The following RIMBP2 variants were observed in gnomAD, a reference collection of about 807,000 sequenced individuals.
The protein encoded by RIMBP2 is RIMS-binding protein 2.
Under a neutral mutation model 118.6 loss-of-function variants are expected in RIMBP2, and 48 were observed. The observed-to-expected ratio is 0.40, with a 90% confidence interval of 0.32 to 0.51. RIMBP2 has a LOEUF of 0.51. Among genes scored for constraint, RIMBP2 ranks in the 20% least tolerant of loss-of-function variants. RIMBP2 has a pLI of 0.41. For missense variants in RIMBP2, 1,551 were observed against 1,768.3 expected (o/e 0.88, Z 2.20); for synonymous variants, 762 against 742.9 (o/e 1.03, Z -0.42).
Position 130,424,829 on chromosome 12 carries a change from G to A in RIMBP2, c.2442C>T (p.Gly814=). 5 of 1,232,682 alleles carry A rather than the reference G, an allele frequency of 4.1e-6. No homozygotes were observed. The highest frequency in any genetic ancestry group is 5.1e-6 in the Non-Finnish European group (5 of 988,410). 76.4% of individuals were successfully genotyped at this position (1,232,682 alleles called of 1,614,324 possible). Reference sequence around the variant, plus strand: ...GAAACTCGGGCTGCTCCCAGAAAGTGCCTTCCGAGGTCCTATGGTCAGTGC... The same window carrying A: ...GAAACTCGGGCTGCTCCCAGAAAGTACCTTCCGAGGTCCTATGGTCAGTGC... ...KDCTDHRTSE[G]TFWEQPEFPH... is the part of the protein sequence containing the mutation. The change falls in exon 16 of 23, where the codon GGC becomes GGT. Residue 814 remains glycine (G), a synonymous_variant. Transcript: ENST00000690449. This position sits in a 1 kb window ranked among gnomAD's most constrained non-coding sequence, Gnocchi z 9.8.
chr12:130,692,387 G>C (rs2065350159), intron 1 of RIMBP2, among the ~76,000 whole-genome samples: 2 of 152,022 alleles, frequency 1.3e-5, no homozygotes, highest in Non-Finnish European at 2.9e-5. Context: ...TAATTGCCTG[G>C]TTTGAGCAAC....
chr12:130,692,884 G>GATA (rs1324535918), intron 1 of RIMBP2, among the ~76,000 whole-genome samples: 21 of 147,340 alleles, frequency 1.4e-4, no homozygotes, highest in East Asian at 5.8e-4. Flanking sequence ...GGTAGGGTAG[G>GATA]GTAGGGTAGG....
intron 2 of RIMBP2, among the ~76,000 whole-genome samples, chr12:130,594,296 G>A (rs959239457): frequency 1.4e-4 from 21 of 152,202 alleles, no homozygotes; most frequent in Admixed American, 6.5e-5. Context: ...CCAGAGAACT[G>A]TCCTTCAAAA....
intron 2 of RIMBP2, among the ~76,000 whole-genome samples, chr12:130,593,432 A>G (rs982655753): frequency 6.6e-5 from 10 of 152,240 alleles, no homozygotes; most frequent in South Asian, 6.2e-4. Flanking sequence ...TGAGAGACCA[A>G]TCTTGTTAGC....
rs59408719 is a variant in RIMBP2, at chr12:130,460,303, G to A, written c.154-3603C>T. Among the ~76,000 whole-genome samples the A allele has an allele frequency of 6.2e-3, 943 of 152,290 alleles. 15 individuals carry two copies. Among genetic ancestry groups the A allele is most frequent in the African/African-American group, 0.022 (906 of 41,560 alleles). On this transcript the variant is annotated intron_variant, in intron 6 of 22. Transcript: ENST00000690449. Reference sequence around the variant, plus strand: ...GGCCCCTCGGTAGGCTGGAAGTGCCGTCAGCAGCAGCAAAGCGGCGCTCGC... The same window carrying A: ...GGCCCCTCGGTAGGCTGGAAGTGCCATCAGCAGCAGCAAAGCGGCGCTCGC...
intron 11 of RIMBP2, among the ~76,000 whole-genome samples, chr12:130,439,150 TATGTGTGTGTAA>T (rs2137083554): frequency 6.6e-6 from 1 of 151,948 alleles, no homozygotes; most frequent in East Asian, 1.9e-4. Flanking sequence ...TATATGTGTG[TATGTGTGTGTAA>T]ATGTGTATGT....
intron 3 of RIMBP2, among the ~76,000 whole-genome samples, chr12:130,509,468 T>C (rs942575715): frequency 1.3e-5 from 2 of 152,252 alleles, no homozygotes; most frequent in African/African-American, 4.8e-5. Context: ...GGCTTCATTC[T>C]GTGTGCCTCT....
At chr12:130,503,382 T>TA in intron 4 of RIMBP2, among the ~76,000 whole-genome samples, 1 of 149,066 alleles carries the variant, frequency 6.7e-6, no homozygotes, top group Non-Finnish European at 1.5e-5. Flanking sequence ...GGTGACAGAG[T>TA]AAGACTCCAT....
At chr12:130,427,266 G>A (rs1201652518) in intron 15 of RIMBP2, 1 of 152,224 alleles carries the variant, frequency 6.6e-6, no homozygotes, top group Non-Finnish European at 1.5e-5. Context: ...TCCTCTCCAA[G>A]GCCTTTTTCA....
In RIMBP2 at chr12:130,617,535, C is replaced by A. The variant is rs1312486524; in HGVS notation, c.-217+10787G>T. ...ACAAGCAGGTTTCAGCTGACACCAG[C>A]TTTAGATACTGCTAGAAGCTGCTTA... is the stretch of plus-strand genomic sequence containing the variant. On this transcript the variant is annotated intron_variant, in intron 2 of 22. Coordinates refer to ENST00000690449, the MANE Select transcript of RIMBP2 (RefSeq NM_001393629.1). This position sits in a 1 kb window ranked among gnomAD's most constrained non-coding sequence, Gnocchi z 4.6. Among the ~76,000 whole-genome samples the A allele has an allele frequency of 6.6e-6, 1 of 152,262 alleles. No individual in the cohort carries two copies. The highest frequency in any genetic ancestry group is 1.5e-5 in the Non-Finnish European group (1 of 68,046).
chr12:130,483,932 C>T (rs557506616), intron 4 of RIMBP2, among the ~76,000 whole-genome samples: 41 of 152,112 alleles, frequency 2.7e-4, no homozygotes, highest in African/African-American at 8.9e-4. Flanking sequence ...CCCCTGTCCC[C>T]GCCTAGATGT....
At position 130,434,831 on chromosome 12, in the gene RIMBP2, G is replaced by A; in HGVS notation, c.2156C>T (p.Ala719Val). 6.2e-7 allele frequency: 1 copy of A among 1,613,766 alleles called. No homozygotes were observed. The highest frequency in any genetic ancestry group is 8.5e-7 in the Non-Finnish European group (1 of 1,179,962). Residue 719 changes from alanine to valine, a missense_variant, in exon 14 of 23, where the codon GCC becomes GTC. By Grantham distance (64) the Ala-to-Val change is moderately conservative (BLOSUM62 0). This residue lies in a region of RIMBP2 where 1,038 missense variants were observed against 1,125.1 expected (regional missense o/e 0.92). Transcript: ENST00000690449. This position sits in a 1 kb window ranked among gnomAD's most constrained non-coding sequence, Gnocchi z 5.7. ...ATAGGCGTCCTCCTCGTCTGAGGCG[G>A]CGTACTGCCCCGCGCTGCTTCTCTC... ...FLERSSAGQY[A>V]ASDEEDAYDS...
At chr12:130,403,442 ATCT>A (rs972461891) in intron 21 of RIMBP2, among the ~76,000 whole-genome samples, 2 of 152,240 alleles carry the variant, frequency 1.3e-5, no homozygotes, top group Non-Finnish European at 2.9e-5. Flanking sequence ...AATTAGAAAA[ATCT>A]TCTTAAATTC....
chr12:130,509,932 C>T (rs962025121), intron 3 of RIMBP2, among the ~76,000 whole-genome samples: 3 of 152,198 alleles, frequency 2.0e-5, no homozygotes, highest in Admixed American at 6.5e-5. Context: ...GGGGAGGAAT[C>T]GATTCAGATT....
intron 1 of RIMBP2, among the ~76,000 whole-genome samples, chr12:130,650,231 G>GT (rs1188576703): frequency 6.6e-6 from 1 of 152,054 alleles, no homozygotes; most frequent in Non-Finnish European, 1.5e-5. Context: ...GTGCAGCGTG[G>GT]TCCCTGGGTG....
chr12:130,632,138 C>T lies in RIMBP2; in HGVS notation c.-351-3682G>A, dbSNP rs751247452. 2.0e-5 allele frequency among the ~76,000 whole-genome samples: 3 copies of T among 152,206 alleles called. No individual in the cohort carries two copies. The East Asian group carries it at 5.8e-4, about 29-fold the overall frequency. On this transcript the variant is annotated intron_variant, in intron 1 of 22. Coordinates refer to ENST00000690449, the MANE Select transcript of RIMBP2 (RefSeq NM_001393629.1). ...CGATTTCAGCAAAAAATAAAAGAGA[C>T]GTTTCTAACCAGATCAGATGGGCTG...
At position 130,456,724 on chromosome 12, in the gene RIMBP2, G is replaced by T. The variant is rs781725615; in HGVS notation, c.154-24C>A. Reference sequence around the variant, plus strand: ...GACTGCACGGCAGAAGCAGGACAGGGGGTCAGCGGTGGCATTTGGTGGTGG... The same window carrying T: ...GACTGCACGGCAGAAGCAGGACAGGTGGTCAGCGGTGGCATTTGGTGGTGG... On this transcript the variant is annotated intron_variant, in intron 6 of 22. Transcript: ENST00000690449. 10 of 1,573,356 alleles carry T rather than the reference G, an allele frequency of 6.4e-6. No individual in the cohort carries two copies. In the East Asian group the frequency reaches 1.8e-4, roughly 29 times the overall value.
At position 130,422,595 on chromosome 12, in the gene RIMBP2, C is replaced by A. The variant is rs757696411; in HGVS notation, c.3130-34G>T. ...AAAACAACAACAAAGTCGTAAGTCT[C>A]GCCAGCATTGGGAACTGAAGAATTC... On this transcript the variant is annotated intron_variant, in intron 16 of 22. Transcript: ENST00000690449. The surrounding 1 kb of genome is among the most constrained non-coding windows in gnomAD (Gnocchi z 5.2). The A allele has an allele frequency of 2.7e-6, 4 of 1,467,782 alleles. No individual in the cohort carries two copies. In the Admixed American group the frequency reaches 5.8e-5, roughly 21 times the overall value. The allele number at this position is 1,467,782 out of a possible 1,614,324, so 90.9% of individuals were successfully genotyped here.
intron 4 of RIMBP2, among the ~76,000 whole-genome samples, chr12:130,502,340 C>T (rs1048029602): frequency 2.6e-5 from 4 of 152,206 alleles, no homozygotes; most frequent in Non-Finnish European, 5.9e-5. Context: ...GGGGGTAATA[C>T]ATACAGTTCT....
Sources: allele counts gnomAD v4.1 joint callset (sites outside exome capture counted in the v4.1 genomes callset), GRCh38; gene constraint gnomAD v4.1.1; regional missense constraint gnomAD v4.1.1; non-coding constraint Gnocchi (gnomAD v3.1); transcripts MANE v1.5; gene names NCBI Gene and HGNC (gene_info 2026-07-23, HGNC 2026-07-21).